Variants in SUSD1 observed in about 807,000 individuals in gnomAD.
The protein encoded by SUSD1 is sushi domain containing 1.
Under a neutral mutation model 86.9 loss-of-function variants are expected in SUSD1, and 65 were observed. The ratio of observed to expected loss-of-function variants is 0.75; its 90% CI spans 0.61 to 0.92. The LOEUF (loss-of-function observed/expected upper bound fraction) is 0.92, where lower values mean the gene tolerates loss of function less well. Ranked by LOEUF, SUSD1 falls within the 40% of genes least tolerant of loss-of-function variation. The pLI is 0.00. For missense variants in SUSD1, 850 were observed against 929.7 expected (o/e 0.91, Z 1.11); for synonymous variants, 346 against 350.0 (o/e 0.99, Z 0.13).
At chr9:112,136,841 T>C (rs979953248) in intron 5 of SUSD1, among the ~76,000 whole-genome samples, 4 of 152,214 alleles carry the variant, frequency 2.6e-5, no homozygotes, top group African/African-American at 4.8e-5. Flanking sequence ...CAGGCTCTAC[T>C]AAGAAAAATC....
At chr9:112,124,192 T>G (rs1831668815) in intron 6 of SUSD1, 65 bp downstream of exon 6, 4 of 1,510,194 alleles carry the variant, frequency 2.6e-6, no homozygotes, top group South Asian at 1.3e-5. Flanking sequence ...CAGATAGTTT[T>G]AGGCCCTCGG....
At chr9:112,118,561 T>G (rs1196420950) in intron 6 of SUSD1, among the ~76,000 whole-genome samples, 1 of 152,194 alleles carries the variant, frequency 6.6e-6, no homozygotes, top group Non-Finnish European at 1.5e-5. Context: ...CTCAGCTGAC[T>G]GCAACCTCCG....
At chr9:112,119,219 C>T (rs1038192238) in intron 6 of SUSD1, among the ~76,000 whole-genome samples, 2 of 152,204 alleles carry the variant, frequency 1.3e-5, no homozygotes, top group Admixed American at 6.5e-5. Context: ...CCTAGCTGAG[C>T]CCTGGGTGTG....
intron 10 of SUSD1, 114 bp from the exon 11 acceptor site, chr9:112,080,279 T>G: frequency 1.5e-6 from 1 of 686,570 alleles, no homozygotes; most frequent in Non-Finnish European, 2.6e-6. Flanking sequence ...AGTATTTTAA[T>G]TTAGAAATTA....
chr9:112,055,971 G>C (rs1419661487), intron 14 of SUSD1, among the ~76,000 whole-genome samples: 1 of 152,156 alleles, frequency 6.6e-6, no homozygotes, highest in Admixed American at 6.5e-5. Context: ...CATAAAGATG[G>C]AAAGTAGGGC....
chr9:112,068,483 T>C (rs1185301993), intron 12 of SUSD1, among the ~76,000 whole-genome samples: 1 of 152,082 alleles, frequency 6.6e-6, no homozygotes, highest in Non-Finnish European at 1.5e-5. Context: ...AGCAGGTTGT[T>C]TGAGGCCAAG....
chr9:112,068,175 T>C (rs927398269), intron 12 of SUSD1, among the ~76,000 whole-genome samples: 1 of 152,148 alleles, frequency 6.6e-6, no homozygotes, highest in Non-Finnish European at 1.5e-5. Context: ...TGGAGTTATA[T>C]ACAGAGCACT....
At chr9:112,083,458 C>A (rs1371079891) in intron 10 of SUSD1, among the ~76,000 whole-genome samples, 1 of 152,158 alleles carries the variant, frequency 6.6e-6, no homozygotes. Flanking sequence ...GAACTCCTGA[C>A]CTCAAGTGAT....
At chr9:112,066,183 C>A (rs1828971273) in intron 12 of SUSD1, among the ~76,000 whole-genome samples, 1 of 152,138 alleles carries the variant, frequency 6.6e-6, no homozygotes. Flanking sequence ...TAAACCATGA[C>A]CTAGAAGTAG....
intron 1 of SUSD1, among the ~76,000 whole-genome samples, chr9:112,169,650 T>C (rs1833958034): frequency 6.6e-6 from 1 of 150,794 alleles, no homozygotes; most frequent in African/African-American, 2.4e-5. Flanking sequence ...GTCTCATACC[T>C]GATTCATTCT....
chr9:112,150,822 C>A (rs1356220698), intron 2 of SUSD1, among the ~76,000 whole-genome samples: 1 of 152,314 alleles, frequency 6.6e-6, no homozygotes, highest in East Asian at 1.9e-4. Flanking sequence ...AAAACTGATA[C>A]ATCTCTAGAG....
intron 14 of SUSD1, among the ~76,000 whole-genome samples, chr9:112,056,889 C>T (rs987465940): frequency 1.3e-5 from 2 of 152,092 alleles, no homozygotes; most frequent in African/African-American, 2.4e-5. Flanking sequence ...GCTAATAAAC[C>T]GGAATTCTTG....
intron 1 of SUSD1, among the ~76,000 whole-genome samples, chr9:112,171,248 C>G (rs1332135039): frequency 6.6e-6 from 1 of 152,200 alleles, no homozygotes; most frequent in Non-Finnish European, 1.5e-5. Context: ...ACCACCACCC[C>G]CAACCCCCTT....
intron 10 of SUSD1, among the ~76,000 whole-genome samples, chr9:112,090,760 T>C (rs1830172767): frequency 6.6e-6 from 1 of 152,194 alleles, no homozygotes; most frequent in African/African-American, 2.4e-5. Context: ...TAAATAAAAG[T>C]TGTTAAAATA....
intron 10 of SUSD1, among the ~76,000 whole-genome samples, chr9:112,087,371 G>A (rs1171938040): frequency 1.3e-5 from 2 of 151,996 alleles, no homozygotes; most frequent in Non-Finnish European, 1.5e-5. Context: ...TAGTAGAGAC[G>A]GGGTTTCACC....
Position 112,112,848 on chromosome 9 carries a change from C to A in SUSD1, c.907G>T (p.Asp303Tyr), listed in dbSNP as rs766915577. Residue 303 changes from aspartate (D) to tyrosine (Y), a missense_variant, in exon 7 of 17, where the codon GAT becomes TAT. Coordinates refer to ENST00000374270, the MANE Select transcript of SUSD1 (RefSeq NM_022486.5). ...TCTEILTKIN[D>Y]VSLFNDTCVR... Reference sequence around the variant, plus strand: ...CAGGTATCATTAAACAGTGATACATCATTAATCTTTGTCAGAATTTCTAAA... The same window carrying A: ...CAGGTATCATTAAACAGTGATACATAATTAATCTTTGTCAGAATTTCTAAA... The A allele has an allele frequency of 2.5e-6, 4 of 1,611,472 alleles. No homozygotes were observed. In the South Asian group the frequency reaches 4.4e-5, roughly 18 times the overall value.
chr9:112,079,250 T>G (rs1419984513), intron 11 of SUSD1, among the ~76,000 whole-genome samples: 1 of 152,098 alleles, frequency 6.6e-6, no homozygotes, highest in Non-Finnish European at 1.5e-5. Context: ...ATTTGTATAA[T>G]AAATATATTT....
chr9:112,059,118 A>C (rs994571186), intron 13 of SUSD1, among the ~76,000 whole-genome samples: 5 of 152,094 alleles, frequency 3.3e-5, no homozygotes, highest in African/African-American at 1.2e-4. Context: ...TAGGCACTGG[A>C]GACACGACAC....
Position 112,062,961 on chromosome 9 carries a change from G to A in SUSD1, c.1826C>T (p.Ala609Val), listed in dbSNP as rs763428468. 6.2e-7 allele frequency: 1 copy of A among 1,612,432 alleles called. No homozygotes were observed. The highest frequency in any genetic ancestry group is 1.3e-5 in the African/African-American group (1 of 74,846). The change falls in exon 13 of 17, where the codon GCC (alanine) becomes GTC (valine). Residue 609 changes from alanine (A) to valine (V), a missense_variant. Transcript: ENST00000374270. ...CCTGATTGGTCCATTTTTCTCCTTG[G>A]CTTTCCTCAGTCTGAGGCGTGGTAG... Reference protein sequence around the residue: ...GPLPRLRLRKAKEKNGPISSY... With the variant: ...GPLPRLRLRKVKEKNGPISSY...
Sources: allele counts gnomAD v4.1 joint callset (sites outside exome capture counted in the v4.1 genomes callset), GRCh38; gene constraint gnomAD v4.1.1; transcripts MANE v1.5; gene names NCBI Gene and HGNC (gene_info 2026-07-23, HGNC 2026-07-21).